CDH12: variants seen among roughly 807,000 people sequenced by gnomAD.
CDH12 encodes the protein cadherin 12.
A neutral mutation model predicts 74.1 loss-of-function variants in CDH12; 41 were observed. That is an observed-to-expected ratio of 0.55 (90% CI 0.43 to 0.72). The LOEUF is 0.72. Among genes scored for constraint, CDH12 ranks in the 30% least tolerant of loss-of-function variants. The probability of loss-of-function intolerance (pLI) is 0.00; values close to 1 mark genes in which losing one functional copy is unlikely to be tolerated. For synonymous variants in CDH12, 399 were observed against 355.0 expected (o/e 1.12, Z -1.39); for missense variants, 945 against 977.2 (o/e 0.97, Z 0.44).
chr5:22,263,626 AT>A (rs1753601429), intron 3 of CDH12, among the ~76,000 whole-genome samples: 1 of 152,044 alleles, frequency 6.6e-6, no homozygotes, highest in South Asian at 2.1e-4. Flanking sequence ...CAATGATACA[AT>A]TTTTAATTTC....
intron 4 of CDH12, chr5:22,139,461 A>C: frequency 8.4e-6 from 1 of 119,390 alleles, no homozygotes; most frequent in Non-Finnish European, 1.8e-5. Context: ...CTATTCCATA[A>C]TTTGCACAAA....
chr5:22,528,537 A>G (rs1737391546), intron 1 of CDH12, among the ~76,000 whole-genome samples: 1 of 152,044 alleles, frequency 6.6e-6, no homozygotes, highest in Non-Finnish European at 1.5e-5. Context: ...TGGCTACTTT[A>G]TCCTGTGGCT....
chr5:22,471,131 T>C (rs1745942829), intron 2 of CDH12, among the ~76,000 whole-genome samples: 1 of 152,088 alleles, frequency 6.6e-6, no homozygotes, highest in African/African-American at 2.4e-5. Context: ...TTACTCCTAG[T>C]TCCCTAGAAA....
chr5:22,122,590 T>C (rs1745586944), intron 4 of CDH12, among the ~76,000 whole-genome samples: 1 of 151,832 alleles, frequency 6.6e-6, no homozygotes, highest in Non-Finnish European at 1.5e-5. Flanking sequence ...CTATAGACAT[T>C]AATTTGGTTA....
intron 6 of CDH12, among the ~76,000 whole-genome samples, chr5:21,944,403 G>A (rs546403587): frequency 1.3e-5 from 2 of 152,244 alleles, no homozygotes; most frequent in East Asian, 1.9e-4. Context: ...GGTACTATAT[G>A]TTGCTGTTAC....
intron 1 of CDH12, among the ~76,000 whole-genome samples, chr5:22,822,437 G>T (rs1193532849): frequency 6.6e-6 from 1 of 151,996 alleles, no homozygotes; most frequent in Admixed American, 6.6e-5. Flanking sequence ...CCATCAGAGT[G>T]AACAGGCAAC....
intron 1 of CDH12, among the ~76,000 whole-genome samples, chr5:22,815,162 A>T (rs2126459030): frequency 6.6e-6 from 1 of 152,316 alleles, no homozygotes; most frequent in Admixed American, 6.5e-5. Flanking sequence ...CTTGTTCAGC[A>T]AAGAGGGGAC....
chr5:22,571,141 C>T (rs1175609335), intron 1 of CDH12, among the ~76,000 whole-genome samples: 1 of 152,114 alleles, frequency 6.6e-6, no homozygotes, highest in Non-Finnish European at 1.5e-5. Context: ...CCAAACCACT[C>T]AAACTTTCTC....
At chr5:21,794,466 G>A (rs1420182582) in intron 10 of CDH12, among the ~76,000 whole-genome samples, 1 of 151,554 alleles carries the variant, frequency 6.6e-6, no homozygotes, top group Non-Finnish European at 1.5e-5. Context: ...GATGAGTAGG[G>A]CAAAATCCCC....
intron 4 of CDH12, among the ~76,000 whole-genome samples, chr5:22,158,770 C>G (rs2150317054): frequency 6.6e-6 from 1 of 152,210 alleles, no homozygotes; most frequent in African/African-American, 2.4e-5. Flanking sequence ...AAAGCACTCA[C>G]AGGTGTTCTG....
chr5:21,769,790 T>C (rs953347291), intron 11 of CDH12, among the ~76,000 whole-genome samples: 1 of 152,178 alleles, frequency 6.6e-6, no homozygotes, highest in African/African-American at 2.4e-5. Flanking sequence ...AGATAAGCTG[T>C]TGGCATCAAC....
At chr5:22,744,622 T>C (rs925315246) in intron 1 of CDH12, among the ~76,000 whole-genome samples, 4 of 152,188 alleles carry the variant, frequency 2.6e-5, no homozygotes, top group African/African-American at 4.8e-5. Flanking sequence ...TTAAAAGGTA[T>C]GTGTCTCCCA....
Position 22,399,190 on chromosome 5 carries a change from GTATCTATCTATCTATC to G in CDH12, c.-333+6051_-333+6066del, listed in dbSNP as rs3039455. Among the ~76,000 whole-genome samples the G allele has an allele frequency of 3.5e-4, 52 of 148,176 alleles. No individual in the cohort carries two copies. The East Asian group carries it at 4.4e-3, about 13-fold the overall frequency. ...TTTATCTTACTATATAATCTACCCA[GTATCTATCTATCTATC>G]TATCTATCTATCTATCTATCTATCT... is the stretch of plus-strand genomic sequence containing the variant. On this transcript the variant is annotated intron_variant, in intron 3 of 14. Transcript: ENST00000382254.
chr5:21,972,936 T>A (rs1197796951), intron 6 of CDH12, among the ~76,000 whole-genome samples: 4 of 151,336 alleles, frequency 2.6e-5, no homozygotes, highest in African/African-American at 4.9e-5. Flanking sequence ...GGAGGGTGGC[T>A]CATGACTGTA....
At chr5:22,715,957 T>G (rs1015969025) in intron 1 of CDH12, among the ~76,000 whole-genome samples, 2 of 151,794 alleles carry the variant, frequency 1.3e-5, no homozygotes, top group Admixed American at 6.6e-5. Flanking sequence ...GCCCACATGG[T>G]GAAACTCCAT....
chr5:22,424,002 CAAAAAAA>C (rs1165781089), intron 2 of CDH12, among the ~76,000 whole-genome samples: 5 of 31,222 alleles, frequency 1.6e-4, no homozygotes, highest in East Asian at 2.2e-3. Context: ...GACTCTGTCT[CAAAAAAA>C]AAAAAAAAAA....
At chr5:22,031,198 G>T (rs1286754840) in intron 5 of CDH12, among the ~76,000 whole-genome samples, 1 of 152,010 alleles carries the variant, frequency 6.6e-6, no homozygotes, top group Non-Finnish European at 1.5e-5. Flanking sequence ...GCCAGGCGTG[G>T]TGGTAGGTGC....
intron 11 of CDH12, among the ~76,000 whole-genome samples, chr5:21,781,724 CA>C (rs10656219): frequency 3.3e-4 from 47 of 144,580 alleles, no homozygotes; most frequent in Admixed American, 4.8e-4. Flanking sequence ...ACTATTATCT[CA>C]AAAAAAAAAA....
At chr5:22,074,223 T>C (rs1027824890) in intron 5 of CDH12, among the ~76,000 whole-genome samples, 6 of 152,184 alleles carry the variant, frequency 3.9e-5, no homozygotes, top group African/African-American at 7.2e-5. Flanking sequence ...AAGGATTCCC[T>C]ATTTAATAAA....
Sources: allele counts gnomAD v4.1 joint callset (sites outside exome capture counted in the v4.1 genomes callset), GRCh38; gene constraint gnomAD v4.1.1; transcripts MANE v1.5; gene names NCBI Gene and HGNC (gene_info 2026-07-23, HGNC 2026-07-21).